ZSWIM6: variants seen among roughly 807,000 people sequenced by gnomAD.
The protein encoded by ZSWIM6 is zinc finger SWIM-type containing 6.
Under a neutral mutation model 113.2 loss-of-function variants are expected in ZSWIM6, and 9 were observed. The ratio of observed to expected loss-of-function variants is 0.08; its 90% CI spans 0.05 to 0.14. The LOEUF (loss-of-function observed/expected upper bound fraction) is 0.14, where lower values mean the gene tolerates loss of function less well. Ranked by LOEUF, ZSWIM6 falls within the 10% of genes least tolerant of loss-of-function variation. ZSWIM6 has a pLI of 1.00. For missense variants in ZSWIM6, 1,162 were observed against 1,552.2 expected (o/e 0.75, Z 4.22); for synonymous variants, 611 against 606.5 (o/e 1.01, Z -0.11).
intron 1 of ZSWIM6, among the ~76,000 whole-genome samples, chr5:61,357,781 C>CATCCTTTTA (rs370857928): frequency 0.06 from 9,148 of 151,906 alleles, 889 homozygotes; most frequent in African/African-American, 0.21. Flanking sequence ...AAAACTAAAC[C>CATCCTTTTA]ATCCTTTTAT....
intron 4 of ZSWIM6, among the ~76,000 whole-genome samples, chr5:61,499,298 T>C (rs1748399171): frequency 6.6e-6 from 1 of 152,180 alleles, no homozygotes; most frequent in Non-Finnish European, 1.5e-5. Context: ...AGGACAGCTT[T>C]CCCACAACAT....
intron 1 of ZSWIM6, among the ~76,000 whole-genome samples, chr5:61,466,596 T>A (rs1747441951): frequency 6.6e-6 from 1 of 152,228 alleles, no homozygotes; most frequent in Non-Finnish European, 1.5e-5. Context: ...TAATGTGCCA[T>A]GAAAGCAGTA....
chr5:61,476,504 T>C (rs552242508), intron 2 of ZSWIM6, among the ~76,000 whole-genome samples: 2 of 152,342 alleles, frequency 1.3e-5, no homozygotes, highest in East Asian at 3.9e-4. Flanking sequence ...AATTAGATTA[T>C]AAAATTAACC....
intron 5 of ZSWIM6, among the ~76,000 whole-genome samples, chr5:61,525,006 T>A (rs757391088): frequency 2.0e-5 from 3 of 152,128 alleles, no homozygotes; most frequent in Non-Finnish European, 4.4e-5. Context: ...ACATTTCTTT[T>A]CTCCGTCAGG....
chr5:61,543,990 T>C lies in ZSWIM6; in HGVS notation c.3321T>C (p.Ile1107=). The change falls in exon 14 of 14, where the codon ATT becomes ATC. Residue 1107 remains isoleucine (I), a synonymous_variant. Coordinates refer to ENST00000252744, the MANE Select transcript of ZSWIM6 (RefSeq NM_020928.2). The surrounding 1 kb of genome is among the most constrained non-coding windows in gnomAD (Gnocchi z 4.3). ...SVKCATVLSD[I]LRRCTLTTPG... is the part of the protein sequence containing the mutation. ...AGTGTGCAACGGTACTGTCAGACATTTTGCGCAGATGCACTCTGACCACTC... is the reference window on the plus strand; with the variant it reads ...AGTGTGCAACGGTACTGTCAGACATCTTGCGCAGATGCACTCTGACCACTC... 1.3e-6 allele frequency: 2 copies of C among 1,551,852 alleles called. No individual in the cohort carries two copies. Among genetic ancestry groups the C allele is most frequent in the Non-Finnish European group, 1.7e-6 (2 of 1,147,008 alleles).
chr5:61,425,738 A>C (rs62368664), intron 1 of ZSWIM6, among the ~76,000 whole-genome samples: 18,118 of 152,238 alleles, frequency 0.12, 1,145 homozygotes, highest in Middle Eastern at 0.16. Context: ...CCATTGGTAA[A>C]GGACATTTTG....
At chr5:61,430,552 GT>G (rs575151448) in intron 1 of ZSWIM6, among the ~76,000 whole-genome samples, 2 of 152,236 alleles carry the variant, frequency 1.3e-5, no homozygotes, top group Middle Eastern at 3.4e-3. Context: ...AACTGTGTGA[GT>G]CTATGTATAC....
At chr5:61,382,863 C>G (rs1242015289) in intron 1 of ZSWIM6, among the ~76,000 whole-genome samples, 2 of 151,708 alleles carry the variant, frequency 1.3e-5, no homozygotes, top group Non-Finnish European at 2.9e-5. Flanking sequence ...GTTTAGAGTG[C>G]ATGGGGAAGT....
intron 11 of ZSWIM6, 70 bp from the exon 12 acceptor site, chr5:61,539,526 A>T: frequency 6.8e-7 from 1 of 1,479,056 alleles, no homozygotes. Context: ...TGGTTGTATG[A>T]TTTTTGTTTA....
At chr5:61,517,489 A>G (rs931461654) in intron 4 of ZSWIM6, among the ~76,000 whole-genome samples, 2 of 151,952 alleles carry the variant, frequency 1.3e-5, no homozygotes, top group Non-Finnish European at 2.9e-5. Context: ...TATAGTTTAT[A>G]TTTCACTTCT....
At chr5:61,435,008 T>C (rs1746674902) in intron 1 of ZSWIM6, among the ~76,000 whole-genome samples, 1 of 152,162 alleles carries the variant, frequency 6.6e-6, no homozygotes, top group South Asian at 2.1e-4. Flanking sequence ...TTTAACTCCT[T>C]GTGAAAAGAC....
At chr5:61,436,213 A>G (rs904356025) in intron 1 of ZSWIM6, among the ~76,000 whole-genome samples, 31 of 152,176 alleles carry the variant, frequency 2.0e-4, no homozygotes, top group African/African-American at 7.5e-4. Flanking sequence ...AAAAAAAAAA[A>G]AAAAATGTAG....
intron 1 of ZSWIM6, among the ~76,000 whole-genome samples, chr5:61,360,803 G>C (rs1386143143): frequency 6.6e-6 from 1 of 152,088 alleles, no homozygotes; most frequent in African/African-American, 2.4e-5. Flanking sequence ...CCTGGCTTTT[G>C]ATAACAGTAG....
At chr5:61,431,474 A>AG (rs1579993038) in intron 1 of ZSWIM6, among the ~76,000 whole-genome samples, 1 of 149,362 alleles carries the variant, frequency 6.7e-6, no homozygotes, top group East Asian at 2.0e-4. Context: ...GGCTGGGCGC[A>AG]GTAGCTCACC....
In ZSWIM6 at chr5:61,543,911, C is replaced by T; in HGVS notation, c.3242C>T (p.Ser1081Phe). The T allele has an allele frequency of 1.9e-6, 3 of 1,551,844 alleles. No homozygotes were observed. The highest frequency in any genetic ancestry group is 2.6e-6 in the Non-Finnish European group (3 of 1,147,018). The change falls in exon 14 of 14, where the codon TCC becomes TTC. Residue 1081 changes from serine to phenylalanine, a missense_variant. By Grantham distance (155) the Ser-to-Phe change is radical. Around this residue, in one of 4 missense-constraint regions of ZSWIM6, gnomAD observed 113 missense variants for 213.8 expected, o/e 0.53. Transcript: ENST00000252744. This position sits in a 1 kb window ranked among gnomAD's most constrained non-coding sequence, Gnocchi z 4.3. The stretch of plus-strand genomic sequence containing the variant: ...TTGTGGGCCTGTGCGCTTAGCCACT[C>T]CCTTGGTAAAAATGAGCTTGCAGCT... ...DVLWACALSH[S>F]LGKNELAAII... is the part of the protein sequence containing the mutation.
chr5:61,504,930 A>G (rs1748560256), intron 4 of ZSWIM6, among the ~76,000 whole-genome samples: 1 of 152,208 alleles, frequency 6.6e-6, no homozygotes, highest in Non-Finnish European at 1.5e-5. Flanking sequence ...GAAAATAAAA[A>G]GCAACCCTGG....
chr5:61,357,015 G>A (rs556077150), intron 1 of ZSWIM6, among the ~76,000 whole-genome samples: 4 of 151,584 alleles, frequency 2.6e-5, no homozygotes, highest in South Asian at 2.1e-4. Flanking sequence ...TGTAGTCTCC[G>A]GTTCAATAGC....
intron 1 of ZSWIM6, among the ~76,000 whole-genome samples, chr5:61,448,275 G>A (rs1389192676): frequency 6.6e-6 from 1 of 152,132 alleles, no homozygotes; most frequent in African/African-American, 2.4e-5. Context: ...ATTTTATTGA[G>A]TTGTAAAACT....
At chr5:61,351,486 A>G (rs897531807) in intron 1 of ZSWIM6, among the ~76,000 whole-genome samples, 1 of 152,238 alleles carries the variant, frequency 6.6e-6, no homozygotes, top group African/African-American at 2.4e-5. Flanking sequence ...GGAAACTTTC[A>G]TTAATAAATG....
Sources: gnomAD v4.1 joint callset for allele counts (sites outside exome capture counted in the v4.1 genomes callset) on GRCh38, gnomAD v4.1.1 for gene constraint, gnomAD v4.1.1 regional missense constraint, Gnocchi (gnomAD v3.1) non-coding constraint, MANE v1.5 for transcripts, NCBI Gene and HGNC (gene_info 2026-07-23, HGNC 2026-07-21) for gene names.